The following HELZ2 variants were observed in gnomAD, a reference collection of about 807,000 sequenced individuals.
The protein encoded by HELZ2 is helicase with zinc finger 2, also known as 3'-5' exoribonuclease HELZ2.
A neutral mutation model predicts 208.8 loss-of-function variants in HELZ2; 143 were observed. The observed-to-expected ratio is 0.68, with a 90% CI of 0.60 to 0.79. The LOEUF is 0.79. Among genes scored for constraint, HELZ2 ranks in the 30% least tolerant of loss-of-function variants. The probability of loss-of-function intolerance (pLI) is 0.00; values close to 1 mark genes in which losing one functional copy is unlikely to be tolerated. For missense variants in HELZ2, 3,690 were observed against 3,794.5 expected (o/e 0.97, Z 0.72); for synonymous variants, 1,705 against 1,693.7 (o/e 1.01, Z -0.16).
In HELZ2 at chr20:63,563,805, A is replaced by C. The variant is rs575681647; in HGVS notation, c.5017T>G (p.Ser1673Ala). The C allele has an allele frequency of 1.6e-5, 25 of 1,602,150 alleles. 1 individual carries two copies. The South Asian group carries it at 2.7e-4, about 17-fold the overall frequency. The change falls in exon 8 of 19, where the codon TCG becomes GCG. Residue 1673 changes from serine to alanine, a missense_variant. Ser to Ala is a moderately conservative substitution (Grantham distance 99). Around this residue, in one of 3 missense-constraint regions of HELZ2, gnomAD observed 2,564 missense variants for 2,580.5 expected, o/e 0.99. Coordinates refer to ENST00000467148, the Ensembl canonical transcript of HELZ2. ...ACGTCCAGGTACCTGCGGATGGGCG[A>C]GGTGGCCCACGTGTACCAGTCCACC...
chr20:63,565,771 C>T (rs139756281), exon 8 of HELZ2: 33 of 1,600,768 alleles, frequency 2.1e-5, no homozygotes, highest in Middle Eastern at 3.3e-4. Context: ...CCTCCGTCTG[C>T]GCTGTGGTTG....
intron 3 of HELZ2, chr20:63,570,153 T>A: frequency 2.4e-6 from 1 of 422,994 alleles, no homozygotes; most frequent in Non-Finnish European, 4.6e-6. Flanking sequence ...AGAGACGGAG[T>A]TTCACCCTAT....
exon 8 of HELZ2, chr20:63,563,644 G>T (rs373195523): frequency 5.2e-6 from 8 of 1,545,934 alleles, no homozygotes; most frequent in Non-Finnish European, 6.1e-6. Context: ...CCAGGTGCAG[G>T]CTGCGCGCCC....
chr20:63,570,326 T>C (rs914025452), intron 3 of HELZ2, 178 bp downstream of exon 4: 8 of 714,008 alleles, frequency 1.1e-5, no homozygotes, highest in South Asian at 3.0e-5. Context: ...CCTGGCCCCC[T>C]GTCTCTAGGT....
chr20:63,569,084 C>T, intron 4 of HELZ2, 64 bp downstream of exon 5: 2 of 1,583,482 alleles, frequency 1.3e-6, no homozygotes, highest in Non-Finnish European at 1.7e-6. Context: ...TCCCGTTGCC[C>T]CAGCCGCTCC....
At chr20:63,567,272 G>T in exon 6 of HELZ2, 1 of 1,608,754 alleles carries the variant, frequency 6.2e-7, no homozygotes, top group South Asian at 1.1e-5. Flanking sequence ...ACCTGCATGT[G>T]GTCGCCCGCC....
exon 8 of HELZ2, chr20:63,565,774 T>C: frequency 6.2e-7 from 1 of 1,600,698 alleles, no homozygotes; most frequent in Non-Finnish European, 8.5e-7. Flanking sequence ...CCGTCTGCGC[T>C]GTGGTTGCCG....
upstream of HELZ2, chr20:63,572,479 G>C (rs1262987714): frequency 7.5e-7 from 1 of 1,334,722 alleles, no homozygotes; most frequent in Admixed American, 2.9e-5. Context: ...GAGGCTGGCC[G>C]GCCCGGGGCC....
chr20:63,559,375 G>C lies in HELZ2; in HGVS notation c.7826-5C>G. 1.3e-6 allele frequency: 2 copies of C among 1,589,130 alleles called. No homozygotes were observed. Among genetic ancestry groups the C allele is most frequent in the Non-Finnish European group, 1.7e-6 (2 of 1,164,122 alleles). On this transcript the variant is annotated splice_polypyrimidine_tract_variant and splice_region_variant and intron_variant, in intron 18 of 18. Transcript: ENST00000467148. ...AGCGCAGAAGGAGGTGGTCTCCTGT[G>C]AGGGTGGGAGTCAGATGGGAGTCAG...
exon 12 of HELZ2, chr20:63,561,708 A>G (rs779704839): frequency 4.3e-6 from 7 of 1,611,448 alleles, no homozygotes; most frequent in Non-Finnish European, 5.1e-6. Context: ...CACTGTACAC[A>G]CGGAGGGGCT....
In HELZ2 at chr20:63,567,233, C is replaced by T. The variant is rs2082971857; in HGVS notation, c.2125G>A (p.Ala709Thr). Reference sequence around the variant, plus strand: ...AGCAGCGTGTGCTCGGCCGCCCGGGCCCTGGCCACACTGAACAGCCGGGGT... The same window carrying T: ...AGCAGCGTGTGCTCGGCCGCCCGGGTCCTGGCCACACTGAACAGCCGGGGT... Residue 709 changes from alanine (A) to threonine (T), a missense_variant, in exon 6 of 19, where the codon GCC becomes ACC. Transcript: ENST00000467148. 1.9e-6 allele frequency: 3 copies of T among 1,608,080 alleles called. No individual in the cohort carries two copies. The South Asian group carries it at 3.3e-5, about 18-fold the overall frequency.
rs750031038 is a variant in HELZ2, at chr20:63,570,370, C to T, written c.570+134G>A. 3 of 758,930 alleles carry T rather than the reference C, an allele frequency of 4.0e-6. No individual in the cohort carries two copies. In the South Asian group the frequency reaches 4.4e-5, roughly 11 times the overall value. 47.0% of individuals were successfully genotyped at this position (758,930 alleles called of 1,614,324 possible). On this transcript the variant is annotated intron_variant, in intron 3 of 18. Transcript: ENST00000467148. ...TGAGGCAGAGAGGCTAAGGGACCTGCTGCAGGTCACGCAGGTGCTGAGCGG... is the reference window on the plus strand; with the variant it reads ...TGAGGCAGAGAGGCTAAGGGACCTGTTGCAGGTCACGCAGGTGCTGAGCGG...
chr20:63,568,216 G>A, intron 5 of HELZ2, 142 bp downstream of exon 6: 1 of 708,622 alleles, frequency 1.4e-6, no homozygotes, highest in Non-Finnish European at 2.4e-6. Flanking sequence ...AGCTGGGCCT[G>A]ATAAAGCCAA....
At chr20:63,563,937 G>T in exon 8 of HELZ2, 1 of 1,593,712 alleles carries the variant, frequency 6.3e-7, no homozygotes, top group South Asian at 1.1e-5. Context: ...GCCAGGAATG[G>T]GTGCATGTCG....
chr20:63,565,150 G>C (rs1239318009), exon 8 of HELZ2: 1 of 1,593,100 alleles, frequency 6.3e-7, no homozygotes, highest in Admixed American at 1.8e-5. Context: ...CGAAGATCTT[G>C]GTCACGGAGC....
chr20:63,568,312 GGGCCGGGC>G, intron 5 of HELZ2, 38 bp downstream of exon 6: 1 of 1,423,158 alleles, frequency 7.0e-7, no homozygotes, highest in Non-Finnish European at 9.9e-7. Context: ...GTGTAGACTT[GGGCCGGGC>G]GTCAGGTGAG....
rs1341377259 is a variant in HELZ2, at chr20:63,570,619, G to A, written c.463-8C>T. 1 of 1,605,782 alleles carries A rather than the reference G, an allele frequency of 6.2e-7. No homozygotes were observed. The highest frequency in any genetic ancestry group is 8.5e-7 in the Non-Finnish European group (1 of 1,174,374). Reference sequence around the variant, plus strand: ...ATCAAGGGTCTCTGCCAGCTGCGTGGAAGTCTAGCCTTCAGCAAGAGGCCT... The same window carrying A: ...ATCAAGGGTCTCTGCCAGCTGCGTGAAAGTCTAGCCTTCAGCAAGAGGCCT... On this transcript the variant is annotated splice_polypyrimidine_tract_variant and splice_region_variant and intron_variant, in intron 2 of 18. Coordinates refer to ENST00000467148, the Ensembl canonical transcript of HELZ2.
chr20:63,567,349 G>T, exon 6 of HELZ2: 1 of 1,604,814 alleles, frequency 6.2e-7, no homozygotes, highest in Non-Finnish European at 8.5e-7. Flanking sequence ...CAGCATCTGG[G>T]CCGCCTCATC....
Position 63,563,375 on chromosome 20 carries a change from G to A in HELZ2, c.5447C>T (p.Pro1816Leu), listed in dbSNP as rs766075220. Residue 1816 changes from proline to leucine, a missense_variant, in exon 8 of 19, where the codon CCG becomes CTG. Around this residue, in one of 3 missense-constraint regions of HELZ2, gnomAD observed 2,564 missense variants for 2,580.5 expected, o/e 0.99. Transcript: ENST00000467148. ...CTCCACGGCCAGGGTGTGTGGGTCC[G>A]GCACAGTGCCAGGCAGTGGCAGGGG... 70 of 1,537,090 alleles carry A rather than the reference G, an allele frequency of 4.6e-5. No individual in the cohort carries two copies. The highest frequency in any genetic ancestry group is 9.8e-5 in the Admixed American group (5 of 51,094).
Sources: gnomAD v4.1 joint callset for allele counts on GRCh38, gnomAD v4.1.1 for gene constraint, gnomAD v4.1.1 regional missense constraint, MANE v1.5 for transcripts, NCBI Gene and HGNC (gene_info 2026-07-23, HGNC 2026-07-21) for gene names.